SOX5: variants seen among roughly 807,000 people sequenced by gnomAD.
SOX5 encodes the protein SRY-box transcription factor 5.
A neutral mutation model predicts 92.0 loss-of-function variants in SOX5; 9 were observed. The observed-to-expected ratio is 0.10, with a 90% CI of 0.06 to 0.17. SOX5 has a LOEUF of 0.17. Ranked by LOEUF, SOX5 falls within the 10% of genes least tolerant of loss-of-function variation. SOX5 has a pLI of 1.00. For synonymous variants in SOX5, 344 were observed against 336.3 expected (o/e 1.02, Z -0.25); for missense variants, 642 against 944.5 (o/e 0.68, Z 4.20).
chr12:23,997,034 G>A (rs1951095824), intron 4 of SOX5, among the ~76,000 whole-genome samples: 4 of 152,116 alleles, frequency 2.6e-5, no homozygotes, highest in Admixed American at 2.6e-4. Flanking sequence ...GAAGCACTCA[G>A]CATATTTTCT....
intron 3 of SOX5, among the ~76,000 whole-genome samples, chr12:24,266,467 C>T (rs1943034689): frequency 6.6e-6 from 1 of 151,774 alleles, no homozygotes; most frequent in Admixed American, 6.6e-5. Context: ...AAGTGAGAGG[C>T]TTCATCTCAC....
intron 8 of SOX5, among the ~76,000 whole-genome samples, chr12:23,613,460 C>T (rs1159019204): frequency 6.6e-6 from 1 of 151,940 alleles, no homozygotes; most frequent in African/African-American, 2.4e-5. Context: ...GGTGGTTCCT[C>T]AAAAAATTAA....
rs145334099 is a variant in SOX5, at chr12:24,326,091, A to G, written c.-174+42472T>C. 7.9e-4 allele frequency among the ~76,000 whole-genome samples: 120 copies of G among 152,282 alleles called. 1 individual carries two copies. Among genetic ancestry groups the G allele is most frequent in the Non-Finnish European group, 7.8e-4 (53 of 68,012 alleles). ...CTCTAAAACAAGGACCTTAAAACTC[A>G]TGTGGCAAGCTGGTGAGAACAAAAT... On this transcript the variant is annotated intron_variant, in intron 2 of 4. Transcript: ENST00000446891.
intron 4 of SOX5, among the ~76,000 whole-genome samples, chr12:23,959,066 T>C (rs971011159): frequency 6.6e-6 from 1 of 151,836 alleles, no homozygotes; most frequent in Non-Finnish European, 1.5e-5. Flanking sequence ...CCTCAATAGG[T>C]AGCATCAATG....
chr12:24,359,306 G>T (rs1955232149), intron 2 of SOX5, among the ~76,000 whole-genome samples: 1 of 152,152 alleles, frequency 6.6e-6, no homozygotes, highest in African/African-American at 2.4e-5. Flanking sequence ...TGGTGCAGAG[G>T]ATTACTCATG....
chr12:23,724,122 C>G (rs1308325941), intron 6 of SOX5, among the ~76,000 whole-genome samples: 2 of 152,130 alleles, frequency 1.3e-5, no homozygotes, highest in South Asian at 2.1e-4. Flanking sequence ...CATTTGCCAA[C>G]CTGATAGATT....
At chr12:23,664,984 C>T (rs1203574486) in intron 7 of SOX5, among the ~76,000 whole-genome samples, 1 of 151,962 alleles carries the variant, frequency 6.6e-6, no homozygotes, top group Non-Finnish European at 1.5e-5. Flanking sequence ...ACTGATGATG[C>T]GAGTCCAGAG....
intron 3 of SOX5, among the ~76,000 whole-genome samples, chr12:23,833,918 A>G (rs555196297): frequency 1.3e-5 from 2 of 152,118 alleles, no homozygotes; most frequent in East Asian, 3.9e-4. Flanking sequence ...CAAGGCTACA[A>G]AATGTCAATT....
chr12:24,555,236 C>T (rs1281663613), intron 1 of SOX5, among the ~76,000 whole-genome samples: 1 of 152,202 alleles, frequency 6.6e-6, no homozygotes, highest in African/African-American at 2.4e-5. Flanking sequence ...TGCGTTGCTA[C>T]TCAACTGAAT....
chr12:23,655,845 T>C (rs1165569718), intron 7 of SOX5, among the ~76,000 whole-genome samples: 1 of 152,124 alleles, frequency 6.6e-6, no homozygotes, highest in Non-Finnish European at 1.5e-5. Context: ...ATACATAATA[T>C]AAATGTCTTG....
chr12:23,922,972 G>A (rs1350838912), intron 1 of SOX5, among the ~76,000 whole-genome samples: 3 of 150,710 alleles, frequency 2.0e-5, no homozygotes, highest in Non-Finnish European at 4.4e-5. Context: ...TTGAGACGGA[G>A]TCTCACTGTG....
intron 1 of SOX5, among the ~76,000 whole-genome samples, chr12:24,388,144 T>C (rs1198377772): frequency 2.0e-5 from 3 of 152,200 alleles, no homozygotes; most frequent in African/African-American, 7.2e-5. Context: ...TCAGATTTTG[T>C]CAGACCCTCT....
Position 24,274,262 on chromosome 12 carries a change from T to C in SOX5, c.-77+2954A>G, listed in dbSNP as rs183998613. 2.1e-3 allele frequency among the ~76,000 whole-genome samples: 318 copies of C among 152,310 alleles called. 4 individuals carry two copies. Among genetic ancestry groups the C allele is most frequent in the African/African-American group, 6.9e-3 (287 of 41,580 alleles). ...GTTGTTTATTTCTCTTATTGTTCTA[T>C]CAATTATTTCTTAATACACTTCAAG... On this transcript the variant is annotated intron_variant, in intron 3 of 4. Transcript: ENST00000446891.
chr12:24,314,774 A>G (rs1372035957), intron 2 of SOX5, among the ~76,000 whole-genome samples: 1 of 152,158 alleles, frequency 6.6e-6, no homozygotes, highest in Non-Finnish European at 1.5e-5. Context: ...TGCGATTTGC[A>G]TTCCTTGTTT....
At chr12:23,742,257 A>C (rs1169540571) in intron 4 of SOX5, among the ~76,000 whole-genome samples, 1 of 152,196 alleles carries the variant, frequency 6.6e-6, no homozygotes, top group Non-Finnish European at 1.5e-5. Context: ...GACCATTTGG[A>C]ATAGAAAGAA....
intron 11 of SOX5, 64 bp downstream of exon 11, chr12:23,563,194 T>C: frequency 7.6e-7 from 1 of 1,311,454 alleles, no homozygotes; most frequent in Non-Finnish European, 1.1e-6. Flanking sequence ...ATATATTTTT[T>C]TTAAAAAAGC....
chr12:23,977,955 A>T (rs967868773), intron 4 of SOX5, among the ~76,000 whole-genome samples: 6 of 152,210 alleles, frequency 3.9e-5, no homozygotes, highest in Non-Finnish European at 7.3e-5. Context: ...TGTGTTGTGA[A>T]TTCCAAATTC....
At chr12:24,179,410 C>A (rs1955212083) in intron 4 of SOX5, among the ~76,000 whole-genome samples, 1 of 152,126 alleles carries the variant, frequency 6.6e-6, no homozygotes. Context: ...CTGATCTTTT[C>A]CCAGGCTATC....
At chr12:24,099,721 T>G (rs965930289) in intron 4 of SOX5, among the ~76,000 whole-genome samples, 3 of 152,172 alleles carry the variant, frequency 2.0e-5, no homozygotes, top group Non-Finnish European at 4.4e-5. Context: ...ACTATCCTAT[T>G]GGTTTCTTGA....
Sources: allele counts gnomAD v4.1 joint callset (sites outside exome capture counted in the v4.1 genomes callset), GRCh38; gene constraint gnomAD v4.1.1; transcripts MANE v1.5; gene names NCBI Gene and HGNC (gene_info 2026-07-23, HGNC 2026-07-21).